The following ASIC2 variants were observed in gnomAD, a reference collection of about 807,000 sequenced individuals.
The protein encoded by ASIC2 is acid-sensing ion channel 2.
In ASIC2, 25 loss-of-function variants were observed where a neutral mutation model predicts 57.3. The observed-to-expected ratio is 0.44, with a 90% confidence interval of 0.32 to 0.61. The LOEUF is 0.61. ASIC2 is among the 20% of genes least tolerant of loss of function. ASIC2 has a pLI of 0.06. For missense variants in ASIC2, 641 were observed against 738.1 expected (o/e 0.87, Z 1.52); for synonymous variants, 319 against 307.5 (o/e 1.04, Z -0.39).
intron 1 of ASIC2, among the ~76,000 whole-genome samples, chr17:33,409,522 A>G (rs1465146425): frequency 1.3e-5 from 2 of 152,334 alleles, no homozygotes; most frequent in Admixed American, 1.3e-4. Context: ...AGATGCGTGA[A>G]GTTGGCATCA....
intron 3 of ASIC2, among the ~76,000 whole-genome samples, chr17:33,086,732 C>A (rs763058842): frequency 6.6e-5 from 10 of 152,004 alleles, no homozygotes; most frequent in Non-Finnish European, 1.3e-4. Flanking sequence ...TCGAGGCTGC[C>A]AAGAGAATTT....
At chr17:33,242,806 T>C (rs1908556358) in intron 1 of ASIC2, among the ~76,000 whole-genome samples, 1 of 152,204 alleles carries the variant, frequency 6.6e-6, no homozygotes, top group South Asian at 2.1e-4. Flanking sequence ...TGGTTAAGGT[T>C]CTTTCCAGGG....
chr17:33,826,531 G>A (rs149218613), intron 1 of ASIC2, among the ~76,000 whole-genome samples: 4 of 152,296 alleles, frequency 2.6e-5, no homozygotes, highest in East Asian at 3.9e-4. Flanking sequence ...GAACGTTGGC[G>A]ATCACGTAGC....
At position 34,109,612 on chromosome 17, in the gene ASIC2, C is replaced by T. The variant is rs12162119; in HGVS notation, c.555+46366G>A. Among the ~76,000 whole-genome samples the T allele has an allele frequency of 9.7e-4, 147 of 152,264 alleles. 3 individuals carry two copies. In the East Asian group the frequency reaches 0.026, roughly 27 times the overall value. The stretch of plus-strand genomic sequence containing the variant: ...CGATATCCTTTCCAACACTTGGTAA[C>T]GTTACACACACCCAAACACATGCCC... On this transcript the variant is annotated intron_variant, in intron 1 of 9. Coordinates refer to the ASIC2 transcript ENST00000359872.
rs1908331356 is a variant in ASIC2, at chr17:33,355,238, C to T, written c.556-243171G>A. Reference sequence around the variant, plus strand: ...GTCCCAACTACTCGGGAAGCTGAGGCAGGACAATCACTTGAACCCAGGAAA... The same window carrying T: ...GTCCCAACTACTCGGGAAGCTGAGGTAGGACAATCACTTGAACCCAGGAAA... On this transcript the variant is annotated intron_variant, in intron 1 of 9. Transcript: ENST00000359872. Among the ~76,000 whole-genome samples the T allele has an allele frequency of 2.6e-5, 4 of 152,102 alleles. 1 individual carries two copies. In the South Asian group the frequency reaches 8.3e-4, roughly 32 times the overall value.
At chr17:33,352,573 CT>C (rs1261030731) in intron 1 of ASIC2, among the ~76,000 whole-genome samples, 2 of 152,184 alleles carry the variant, frequency 1.3e-5, no homozygotes, top group Non-Finnish European at 2.9e-5. Context: ...CCATCGAACT[CT>C]GTGGCTCAAA....
chr17:34,058,698 T>TCC (rs1555588390), intron 1 of ASIC2, among the ~76,000 whole-genome samples: 1 of 102,468 alleles, frequency 9.8e-6, no homozygotes, highest in African/African-American at 8.4e-5. Context: ...GAAATGTGGA[T>TCC]CCCCGTTTTC....
intron 1 of ASIC2, among the ~76,000 whole-genome samples, chr17:33,899,839 G>A (rs900679699): frequency 3.3e-5 from 5 of 152,310 alleles, no homozygotes; most frequent in African/African-American, 9.6e-5. Context: ...TCATATAAGA[G>A]TGCAGGTTAT....
intron 1 of ASIC2, among the ~76,000 whole-genome samples, chr17:33,164,571 T>C (rs2346684): frequency 0.27 from 32,476 of 121,676 alleles, 3,652 homozygotes; most frequent in Admixed American, 0.36. Flanking sequence ...CAAAAGCACA[T>C]GCACGCACAC....
At chr17:33,187,592 T>C in intron 1 of ASIC2, among the ~76,000 whole-genome samples, 1 of 152,174 alleles carries the variant, frequency 6.6e-6, no homozygotes. Flanking sequence ...ATAGAATGTA[T>C]GGGCCACATG....
intron 1 of ASIC2, among the ~76,000 whole-genome samples, chr17:33,446,369 T>G (rs2035083563): frequency 6.6e-6 from 1 of 152,154 alleles, no homozygotes; most frequent in African/African-American, 2.4e-5. Context: ...GAGTTATAAC[T>G]TAGAGTCTGG....
At chr17:33,950,048 C>G (rs1476092656) in intron 1 of ASIC2, among the ~76,000 whole-genome samples, 1 of 152,180 alleles carries the variant, frequency 6.6e-6, no homozygotes, top group Non-Finnish European at 1.5e-5. Context: ...AGACCTGGGT[C>G]TTGGAGAACA....
At chr17:33,865,327 C>G (rs554919615) in intron 1 of ASIC2, among the ~76,000 whole-genome samples, 1 of 152,196 alleles carries the variant, frequency 6.6e-6, no homozygotes, top group South Asian at 2.1e-4. Context: ...GGCAGAATTA[C>G]GACCCTGTTT....
intron 1 of ASIC2, among the ~76,000 whole-genome samples, chr17:33,479,324 T>C (rs1913327444): frequency 6.6e-6 from 1 of 152,138 alleles, no homozygotes; most frequent in African/African-American, 2.4e-5. Flanking sequence ...AACCATGTGT[T>C]GAGCTGTTTC....
At chr17:33,296,079 T>C (rs971539231), upstream of ASIC2, among the ~76,000 whole-genome samples, 3 of 152,192 alleles carry the variant, frequency 2.0e-5, no homozygotes, top group Non-Finnish European at 4.4e-5. Flanking sequence ...CCCTCCATCA[T>C]ACTTCCTTAC....
chr17:33,907,917 G>A (rs575197470), intron 1 of ASIC2, among the ~76,000 whole-genome samples: 2 of 152,330 alleles, frequency 1.3e-5, no homozygotes, highest in South Asian at 4.1e-4. Flanking sequence ...AGCACATTAA[G>A]TTGGAGACAG....
chr17:33,299,035 A>G (rs992223687), intron 1 of ASIC2, among the ~76,000 whole-genome samples: 5 of 152,376 alleles, frequency 3.3e-5, no homozygotes, highest in East Asian at 1.9e-4. Context: ...TATAGATTCA[A>G]TGCCATCCAC....
chr17:33,770,473 C>T (rs953218171), intron 1 of ASIC2, among the ~76,000 whole-genome samples: 6 of 152,154 alleles, frequency 3.9e-5, no homozygotes, highest in African/African-American at 9.7e-5. Flanking sequence ...GTTTTTGCCA[C>T]GACTGCTATT....
intron 1 of ASIC2, among the ~76,000 whole-genome samples, chr17:33,404,640 A>G (rs1415713932): frequency 6.6e-6 from 1 of 152,224 alleles, no homozygotes; most frequent in Non-Finnish European, 1.5e-5. Flanking sequence ...GAGTTGAGCG[A>G]CATTAAGAGG....
Sources: gnomAD v4.1 joint callset for allele counts (sites outside exome capture counted in the v4.1 genomes callset) on GRCh38, gnomAD v4.1.1 for gene constraint, MANE v1.5 for transcripts, NCBI Gene and HGNC (gene_info 2026-07-23, HGNC 2026-07-21) for gene names.